FRMD5: variants seen among roughly 807,000 people sequenced by gnomAD.
FRMD5 encodes FERM domain containing 5, also known as FERM domain-containing protein 5.
A neutral mutation model predicts 69.0 loss-of-function variants in FRMD5; 20 were observed. That is an observed-to-expected ratio of 0.29 (90% CI 0.20 to 0.42). FRMD5 has a LOEUF of 0.42. Among genes scored for constraint, FRMD5 ranks in the 10% least tolerant of loss-of-function variants. The pLI, the probability that FRMD5 is intolerant of heterozygous loss-of-function variation, is 1.00. For missense variants in FRMD5, 595 were observed against 708.6 expected, an observed-to-expected ratio of 0.84 and a Z score of 1.82; for synonymous variants, 271 against 260.1, an observed-to-expected ratio of 1.04 and a Z score of -0.40.
At chr15:44,005,002 A>G (rs1890373027) in intron 1 of FRMD5, among the ~76,000 whole-genome samples, 1 of 152,248 alleles carries the variant, frequency 6.6e-6, no homozygotes, top group Non-Finnish European at 1.5e-5. Context: ...TGGATAGAAG[A>G]TCACACAAGA....
At chr15:44,088,764 C>T (rs1566939845) in intron 1 of FRMD5, among the ~76,000 whole-genome samples, 1 of 152,158 alleles carries the variant, frequency 6.6e-6, no homozygotes. Flanking sequence ...ACAAAAACTA[C>T]TAGTATCTTC....
intron 1 of FRMD5, among the ~76,000 whole-genome samples, chr15:44,182,047 G>T (rs1486644475): frequency 2.1e-5 from 3 of 145,476 alleles, no homozygotes; most frequent in African/African-American, 2.6e-5. Context: ...GTCTCACTCT[G>T]TCGCCCAGGC....
chr15:43,885,710 T>C lies in FRMD5; in HGVS notation c.930A>G (p.Leu310=), dbSNP rs1240052853. 1 of 1,614,156 alleles carries C rather than the reference T, an allele frequency of 6.2e-7. No homozygotes were observed. Among genetic ancestry groups the C allele is most frequent in the Non-Finnish European group, 8.5e-7 (1 of 1,180,002 alleles). ...SQVRTVSSSN[L]FFKGSRFRYS... is the part of the protein sequence containing the mutation. ...ATCGGAACCGGCTCCCTTTAAAGAA[T>C]AAATTGCTGCTGGACACTGTGCGGA... The change falls in exon 11 of 14, where the codon TTA becomes TTG. Residue 310 remains leucine, a synonymous_variant. Coordinates refer to ENST00000417257, the MANE Select transcript of FRMD5 (RefSeq NM_032892.5).
At chr15:44,184,898 C>G (rs993417325) in intron 1 of FRMD5, among the ~76,000 whole-genome samples, 1 of 152,106 alleles carries the variant, frequency 6.6e-6, no homozygotes, top group Non-Finnish European at 1.5e-5. Context: ...TCATTTGCAG[C>G]AAGATAGTAT....
chr15:43,878,425 T>G lies in FRMD5; in HGVS notation c.1136-3963A>C, dbSNP rs191360678. On this transcript the variant is annotated intron_variant, in intron 13 of 13. Transcript: ENST00000417257. Reference sequence around the variant, plus strand: ...CCAGCATCTACCTTAGATTTAGGTCTTAATTGCTCGAGAAACTGTTTTGAA... The same window carrying G: ...CCAGCATCTACCTTAGATTTAGGTCGTAATTGCTCGAGAAACTGTTTTGAA... Among the ~76,000 whole-genome samples the G allele has an allele frequency of 2.4e-3, 365 of 152,316 alleles. 2 individuals carry two copies. Among genetic ancestry groups the G allele is most frequent in the South Asian group, 2.5e-3 (12 of 4,818 alleles).
chr15:43,876,297 T>G, intron 13 of FRMD5: 1 of 1,222,324 alleles, frequency 8.2e-7, no homozygotes, highest in South Asian at 1.3e-5. Context: ...TTACCCCAGT[T>G]TGAAAGAATC....
chr15:43,901,613 C>T (rs1377113564), intron 7 of FRMD5, among the ~76,000 whole-genome samples: 2 of 152,144 alleles, frequency 1.3e-5, no homozygotes, highest in Admixed American at 6.5e-5. Flanking sequence ...GCACAGGCCT[C>T]GGCAGTGACT....
chr15:43,876,211 CT>C, intron 13 of FRMD5: 1 of 1,593,442 alleles, frequency 6.3e-7, no homozygotes, highest in Non-Finnish European at 8.6e-7. Flanking sequence ...CCTTTCCCCG[CT>C]TTTCCAGAAC....
chr15:44,123,934 GA>G (rs887610006), intron 1 of FRMD5, among the ~76,000 whole-genome samples: 2 of 151,996 alleles, frequency 1.3e-5, no homozygotes, highest in Admixed American at 1.3e-4. Flanking sequence ...AACTCTTCTT[GA>G]AAAAAACCAA....
chr15:43,912,409 A>C (rs1321429461), intron 4 of FRMD5, among the ~76,000 whole-genome samples: 1 of 152,058 alleles, frequency 6.6e-6, no homozygotes, highest in African/African-American at 2.4e-5. Flanking sequence ...TGTGTGGGAG[A>C]GAGTGAGTGA....
At chr15:43,924,144 T>G in intron 2 of FRMD5, 61 bp downstream of exon 2, 1 of 1,260,050 alleles carries the variant, frequency 7.9e-7, no homozygotes, top group Non-Finnish European at 1.2e-6. Context: ...GAATGACAGT[T>G]CAAGACCTCA....
At chr15:44,070,323 G>GA (rs77770563) in intron 1 of FRMD5, among the ~76,000 whole-genome samples, 174 of 132,614 alleles carry the variant, frequency 1.3e-3, no homozygotes, top group East Asian at 2.6e-3. Flanking sequence ...ATAAAAATAA[G>GA]AAAAAAAAAA....
At chr15:43,882,533 A>C (rs1346901757) in intron 13 of FRMD5, among the ~76,000 whole-genome samples, 1 of 151,772 alleles carries the variant, frequency 6.6e-6, no homozygotes, top group Admixed American at 6.6e-5. Flanking sequence ...TAATTTTTGT[A>C]TTTTTAGTAG....
At chr15:43,893,496 G>T (rs527413739) in intron 7 of FRMD5, among the ~76,000 whole-genome samples, 1 of 152,200 alleles carries the variant, frequency 6.6e-6, no homozygotes, top group Non-Finnish European at 1.5e-5. Flanking sequence ...TCCCAGAGGG[G>T]CTTCCTTTGT....
chr15:44,152,737 C>A (rs1276309179), intron 1 of FRMD5, among the ~76,000 whole-genome samples: 1 of 152,192 alleles, frequency 6.6e-6, no homozygotes, highest in Admixed American at 6.5e-5. Context: ...TACTGACCAT[C>A]TGGAGATAGT....
At chr15:43,999,291 C>A (rs1890074358) in intron 1 of FRMD5, among the ~76,000 whole-genome samples, 1 of 152,162 alleles carries the variant, frequency 6.6e-6, no homozygotes, top group Non-Finnish European at 1.5e-5. Context: ...TGGTCTCGAA[C>A]TCCTGACCTC....
At chr15:44,066,343 A>G (rs986228046) in intron 1 of FRMD5, among the ~76,000 whole-genome samples, 1 of 152,254 alleles carries the variant, frequency 6.6e-6, no homozygotes, top group South Asian at 2.1e-4. Context: ...TTCAAAAGCT[A>G]TAATACGAGG....
At chr15:44,037,691 G>T (rs1490959522) in intron 1 of FRMD5, among the ~76,000 whole-genome samples, 1 of 151,442 alleles carries the variant, frequency 6.6e-6, no homozygotes, top group African/African-American at 2.4e-5. Context: ...CCAGGAAATG[G>T]TCTTGATCTC....
chr15:44,168,832 G>A (rs1327780880), intron 1 of FRMD5, among the ~76,000 whole-genome samples: 2 of 152,022 alleles, frequency 1.3e-5, no homozygotes, highest in Non-Finnish European at 1.5e-5. Flanking sequence ...ATCTTAATGC[G>A]CTAGGATCCT....
Sources: gnomAD v4.1 joint callset for allele counts (sites outside exome capture counted in the v4.1 genomes callset) on GRCh38, gnomAD v4.1.1 for gene constraint, MANE v1.5 for transcripts, NCBI Gene and HGNC (gene_info 2026-07-23, HGNC 2026-07-21) for gene names.